OSBPL10: variants seen among roughly 807,000 people sequenced by gnomAD.
The protein encoded by OSBPL10 is oxysterol binding protein like 10, also known as oxysterol-binding protein-related protein 10.
OSBPL10 carries 49 observed loss-of-function variants against 81.7 expected under a neutral mutation model. The ratio of observed to expected loss-of-function variants is 0.60; its 90% CI spans 0.48 to 0.76. The LOEUF is 0.76. Among genes scored for constraint, OSBPL10 ranks in the 30% least tolerant of loss-of-function variants. The pLI is 0.00. For missense variants in OSBPL10, 923 were observed against 987.8 expected (o/e 0.93, Z 0.88); for synonymous variants, 419 against 383.6 (o/e 1.09, Z -1.08).
At chr3:31,742,467 A>G (rs116724055) in intron 5 of OSBPL10, among the ~76,000 whole-genome samples, 1,748 of 152,280 alleles carry the variant, frequency 0.011, 30 homozygotes, top group African/African-American at 0.039. Flanking sequence ...TCTTCTCTCA[A>G]ATCTATTCTC....
intron 6 of OSBPL10, 97 bp downstream of exon 6, chr3:31,733,160 T>C: frequency 2.0e-6 from 3 of 1,522,724 alleles, no homozygotes; most frequent in Non-Finnish European, 2.7e-6. Flanking sequence ...TGTCTCCTCT[T>C]AAAACAAAGA....
At chr3:32,056,808 C>T (rs967757901) in intron 1 of OSBPL10, among the ~76,000 whole-genome samples, 5 of 152,190 alleles carry the variant, frequency 3.3e-5, no homozygotes, top group Admixed American at 2.6e-4. Flanking sequence ...CTGAGACCTA[C>T]TGGGCTGCAT....
intron 8 of OSBPL10, 24 bp downstream of exon 8, chr3:31,683,610 A>C (rs1421025285): frequency 6.3e-7 from 1 of 1,596,448 alleles, no homozygotes; most frequent in African/African-American, 1.3e-5. Context: ...TAAGAGCCAA[A>C]CTCCAACATA....
intron 3 of OSBPL10, among the ~76,000 whole-genome samples, chr3:31,852,121 GC>G (rs1314846811): frequency 6.6e-6 from 1 of 152,148 alleles, no homozygotes; most frequent in African/African-American, 2.4e-5. Flanking sequence ...CCATGCCCTA[GC>G]CATGTGGCCA....
At chr3:31,877,369 A>G (rs186481211) in intron 2 of OSBPL10, among the ~76,000 whole-genome samples, 38 of 152,290 alleles carry the variant, frequency 2.5e-4, no homozygotes, top group African/African-American at 7.9e-4. Context: ...GAGAGCCTCA[A>G]ATTTCCCCCA....
intron 2 of OSBPL10, among the ~76,000 whole-genome samples, chr3:32,005,300 C>G (rs1699193434): frequency 6.6e-6 from 1 of 152,166 alleles, no homozygotes; most frequent in Admixed American, 6.5e-5. Context: ...TAGGGCCTAA[C>G]TGCTGGAAAG....
At chr3:31,915,280 A>G (rs1696722093) in intron 1 of OSBPL10, among the ~76,000 whole-genome samples, 1 of 152,098 alleles carries the variant, frequency 6.6e-6, no homozygotes, top group South Asian at 2.1e-4. Context: ...TTCGCCTCCC[A>G]ACTCCTGTCC....
chr3:31,907,726 T>C (rs867538978), intron 1 of OSBPL10, among the ~76,000 whole-genome samples: 7 of 151,678 alleles, frequency 4.6e-5, no homozygotes, highest in Non-Finnish European at 7.4e-5. Flanking sequence ...TTTTGGTCTA[T>C]AGTTTATTTT....
At chr3:31,965,200 T>C (rs532329109) in intron 1 of OSBPL10, among the ~76,000 whole-genome samples, 1 of 150,976 alleles carries the variant, frequency 6.6e-6, no homozygotes, top group East Asian at 2.0e-4. Context: ...AAATCCCGTC[T>C]CTACTAAAAA....
At chr3:31,894,023 C>G (rs769973633) in intron 1 of OSBPL10, among the ~76,000 whole-genome samples, 1 of 151,948 alleles carries the variant, frequency 6.6e-6, no homozygotes, top group Non-Finnish European at 1.5e-5. Context: ...TAAATTATAC[C>G]TTAATACAAG....
Position 31,683,822 on chromosome 3 carries a change from T to C in OSBPL10, c.1538A>G (p.Glu513Gly). The change falls in exon 8 of 12, where the codon GAA becomes GGA. Residue 513 changes from glutamate (E) to glycine (G), a missense_variant. Transcript: ENST00000396556. ...TASRSPASCHEHPMADDPSKS... is the reference protein window; with the variant it reads ...TASRSPASCHGHPMADDPSKS... The stretch of plus-strand genomic sequence containing the variant: ...GGAAGGGTCATCGGCCATTGGGTGT[T>C]CGTGACAGCTGGCAGGAGAGCGGGA... The C allele has an allele frequency of 6.2e-7, 1 of 1,614,228 alleles. No homozygotes were observed. The highest frequency in any genetic ancestry group is 8.5e-7 in the Non-Finnish European group (1 of 1,180,044).
chr3:31,783,723 G>A lies in OSBPL10; in HGVS notation c.730-35603C>T, dbSNP rs368782861. 4.6e-4 allele frequency among the ~76,000 whole-genome samples: 63 copies of A among 136,868 alleles called. 1 individual carries two copies. The highest frequency in any genetic ancestry group is 4.2e-3 in the Middle Eastern group (1 of 238). The allele number at this position is 136,868 out of a possible 152,430, so 89.8% of individuals were successfully genotyped here. A position where few individuals can be genotyped will look rare whatever the true frequency, so the allele number is the denominator to read the frequency against. ...GGAGAATCATTTGAACCTGAGAGGC[G>A]GAGGTTGCAGTGAGCTGAGATCACA... On this transcript the variant is annotated intron_variant, in intron 4 of 11. Coordinates refer to ENST00000396556, the MANE Select transcript of OSBPL10 (RefSeq NM_017784.5).
chr3:31,878,656 T>C (rs1330512746), intron 2 of OSBPL10, among the ~76,000 whole-genome samples: 1 of 152,208 alleles, frequency 6.6e-6, no homozygotes, highest in Non-Finnish European at 1.5e-5. Flanking sequence ...CAACTGATCA[T>C]GGTCACGAAC....
chr3:31,938,312 A>T (rs1470076239), intron 1 of OSBPL10, among the ~76,000 whole-genome samples: 2 of 151,876 alleles, frequency 1.3e-5, no homozygotes, highest in African/African-American at 4.8e-5. Context: ...ACTCAACCAA[A>T]TCCCAACCCC....
chr3:31,851,154 T>C (rs1700755329), intron 3 of OSBPL10, among the ~76,000 whole-genome samples: 1 of 152,198 alleles, frequency 6.6e-6, no homozygotes, highest in Non-Finnish European at 1.5e-5. Context: ...ATTTCAAAAA[T>C]CAGATTCTAA....
intron 1 of OSBPL10, among the ~76,000 whole-genome samples, chr3:31,950,659 G>A (rs1697841002): frequency 6.6e-6 from 1 of 152,202 alleles, no homozygotes; most frequent in Non-Finnish European, 1.5e-5. Flanking sequence ...GTTGGAGGTG[G>A]AGCCTAAGGG....
intron 8 of OSBPL10, among the ~76,000 whole-genome samples, chr3:31,679,779 C>T (rs959514324): frequency 1.6e-4 from 25 of 152,086 alleles, no homozygotes; most frequent in Admixed American, 1.4e-3. Context: ...CCTCATAGCA[C>T]GAGCCAAGCC....
intron 1 of OSBPL10, among the ~76,000 whole-genome samples, chr3:31,918,220 T>G (rs1696811237): frequency 6.6e-6 from 1 of 152,146 alleles, no homozygotes; most frequent in African/African-American, 2.4e-5. Flanking sequence ...AACTTTCTCT[T>G]TTGCTTTAAA....
chr3:31,678,234 T>G (rs1019022362), intron 8 of OSBPL10, among the ~76,000 whole-genome samples: 2 of 152,086 alleles, frequency 1.3e-5, no homozygotes, highest in African/African-American at 2.4e-5. Flanking sequence ...GGGTGCCCCG[T>G]TGACGGTGTG....
Sources: allele counts gnomAD v4.1 joint callset (sites outside exome capture counted in the v4.1 genomes callset), GRCh38; gene constraint gnomAD v4.1.1; transcripts MANE v1.5; gene names NCBI Gene and HGNC (gene_info 2026-07-23, HGNC 2026-07-21).